Variants in GUCY1A2 observed in about 807,000 individuals in gnomAD.
GUCY1A2 encodes the protein guanylate cyclase 1 soluble subunit alpha 2, also known as guanylate cyclase soluble subunit alpha-2.
A neutral mutation model predicts 63.5 loss-of-function variants in GUCY1A2; 27 were observed. The ratio of observed to expected loss-of-function variants is 0.43; its 90% confidence interval spans 0.31 to 0.59. The LOEUF is 0.59. GUCY1A2 is among the 20% of genes least tolerant of loss of function. The pLI is 0.11. For synonymous variants in GUCY1A2, 364 were observed against 343.5 expected, an observed-to-expected ratio of 1.06 and a Z score of -0.66; for missense variants, 768 against 913.3, an observed-to-expected ratio of 0.84 and a Z score of 2.05.
chr11:106,757,168 A>C (rs1319931678), intron 6 of GUCY1A2, among the ~76,000 whole-genome samples: 3 of 151,980 alleles, frequency 2.0e-5, no homozygotes, highest in African/African-American at 7.3e-5. Flanking sequence ...ATACTTCATG[A>C]AGTTCTTGTG....
chr11:106,862,680 T>C (rs1859529916), intron 4 of GUCY1A2, among the ~76,000 whole-genome samples: 1 of 151,952 alleles, frequency 6.6e-6, no homozygotes, highest in South Asian at 2.1e-4. Flanking sequence ...AATGGGAGAC[T>C]CTATTCCAAT....
chr11:106,803,135 A>G (rs564892867), intron 5 of GUCY1A2, among the ~76,000 whole-genome samples: 1 of 152,338 alleles, frequency 6.6e-6, no homozygotes, highest in African/African-American at 2.4e-5. Context: ...TTCTCTGAAT[A>G]TAGAAGAAAA....
intron 4 of GUCY1A2, among the ~76,000 whole-genome samples, chr11:106,876,432 G>T (rs1316863391): frequency 6.6e-6 from 1 of 152,010 alleles, no homozygotes; most frequent in African/African-American, 2.4e-5. Flanking sequence ...TAATTTTTGA[G>T]TCAAACAATT....
intron 4 of GUCY1A2, chr11:106,827,468 G>A: frequency 1.4e-6 from 2 of 1,441,928 alleles, no homozygotes; most frequent in African/African-American, 1.4e-5. Flanking sequence ...TTAGTAAGCT[G>A]TTTCTGAAAT....
intron 2 of GUCY1A2, among the ~76,000 whole-genome samples, chr11:106,978,952 A>C (rs1861298538): frequency 6.6e-6 from 1 of 152,218 alleles, no homozygotes. Context: ...TGTTAACAAG[A>C]AAGCTATGTG....
At chr11:106,883,761 A>G (rs529165348) in intron 4 of GUCY1A2, among the ~76,000 whole-genome samples, 1 of 152,248 alleles carries the variant, frequency 6.6e-6, no homozygotes, top group East Asian at 1.9e-4. Context: ...AATATAAATT[A>G]TGTCCTCTTG....
chr11:106,827,557 C>T, intron 4 of GUCY1A2: 1 of 1,452,864 alleles, frequency 6.9e-7, no homozygotes, highest in Non-Finnish European at 9.7e-7. Context: ...AGCTCCAGCA[C>T]ACAGAGTTTC....
chr11:106,939,102 G>A (rs1464904012), intron 4 of GUCY1A2, among the ~76,000 whole-genome samples: 12 of 152,076 alleles, frequency 7.9e-5, no homozygotes, highest in Non-Finnish European at 8.8e-5. Context: ...TTGCAGTCAC[G>A]CCCCACAATA....
At chr11:106,999,358 C>T (rs1861583516) in intron 1 of GUCY1A2, among the ~76,000 whole-genome samples, 1 of 152,086 alleles carries the variant, frequency 6.6e-6, no homozygotes, top group South Asian at 2.1e-4. Flanking sequence ...GTATAAAATA[C>T]CAAGGCAGAA....
intron 6 of GUCY1A2, among the ~76,000 whole-genome samples, chr11:106,709,966 AATATAG>A (rs375345869): frequency 8.2e-3 from 4 of 490 alleles, no homozygotes; most frequent in Admixed American, 0.042. Context: ...AGTTATATAT[AATATAG>A]TTATATACAT....
At chr11:106,700,165 T>C (rs1307714310) in intron 7 of GUCY1A2, among the ~76,000 whole-genome samples, 2 of 152,212 alleles carry the variant, frequency 1.3e-5, no homozygotes, top group Non-Finnish European at 2.9e-5. Flanking sequence ...ATTTTAGCAA[T>C]TAGACCTTTA....
intron 6 of GUCY1A2, among the ~76,000 whole-genome samples, chr11:106,761,030 C>A (rs1299670274): frequency 6.6e-6 from 1 of 152,108 alleles, no homozygotes; most frequent in East Asian, 1.9e-4. Context: ...CATATAATAA[C>A]CTCAAAACAC....
At position 106,675,211 on chromosome 11, in the gene GUCY1A2, T is replaced by A. The variant is rs1862324754; in HGVS notation, c.*12338A>T. The stretch of plus-strand genomic sequence containing the variant: ...TGTCACTTAATTACCGAAGTTATAA[T>A]GTAGCTACAGGCAGCTGTTATAAAA... On this transcript the variant is annotated 3_prime_UTR_variant, in exon 8 of 8. Coordinates refer to ENST00000526355, the MANE Select transcript of GUCY1A2 (RefSeq NM_000855.3). 2 of 205,736 alleles carry A rather than the reference T, an allele frequency of 9.7e-6. No individual in the cohort carries two copies. The highest frequency in any genetic ancestry group is 1.9e-4 in the South Asian group (1 of 5,336). The allele number at this position is 205,736 out of a possible 1,614,324, so 12.7% of individuals were successfully genotyped here.
intron 4 of GUCY1A2, chr11:106,828,011 C>T (rs1025501279): frequency 9.4e-5 from 63 of 668,618 alleles, no homozygotes; most frequent in Non-Finnish European, 1.5e-4. Flanking sequence ...ATCCGACCTA[C>T]GGGTGCTCGG....
intron 4 of GUCY1A2, among the ~76,000 whole-genome samples, chr11:106,903,591 G>T (rs555850079): frequency 1.3e-5 from 2 of 152,096 alleles, no homozygotes; most frequent in East Asian, 1.9e-4. Flanking sequence ...AAATGATTTT[G>T]CTATCTGGTT....
At chr11:106,760,485 A>T (rs1864047412) in intron 6 of GUCY1A2, among the ~76,000 whole-genome samples, 1 of 152,182 alleles carries the variant, frequency 6.6e-6, no homozygotes, top group Non-Finnish European at 1.5e-5. Context: ...TTTTTATAAC[A>T]GTCATAGTTT....
In GUCY1A2 at chr11:106,992,422, C is replaced by T. The variant is rs574053143; in HGVS notation, c.304-6291G>A. 4.6e-5 allele frequency among the ~76,000 whole-genome samples: 7 copies of T among 151,148 alleles called. No homozygotes were observed. The South Asian group carries it at 1.5e-3, about 32-fold the overall frequency. ...TCAGCTCACTGCAACCTCCACCTCCCGGGTTCAAGCGATTCTCCTGCCTCA... is the reference window on the plus strand; with the variant it reads ...TCAGCTCACTGCAACCTCCACCTCCTGGGTTCAAGCGATTCTCCTGCCTCA... On this transcript the variant is annotated intron_variant, in intron 1 of 7. Transcript: ENST00000526355.
intron 5 of GUCY1A2, among the ~76,000 whole-genome samples, chr11:106,784,587 A>G (rs1158398298): frequency 1.3e-5 from 2 of 152,202 alleles, no homozygotes; most frequent in Non-Finnish European, 2.9e-5. Flanking sequence ...AAGCATAAGC[A>G]TTTTAATCAG....
chr11:106,674,891 A>T lies in GUCY1A2; in HGVS notation c.*12658T>A. 4.6e-6 allele frequency: 1 copy of T among 217,692 alleles called. No homozygotes were observed. Among genetic ancestry groups the T allele is most frequent in the Non-Finnish European group, 9.2e-6 (1 of 108,250 alleles). The allele number at this position is 217,692 out of a possible 1,614,324, so 13.5% of individuals were successfully genotyped here. On this transcript the variant is annotated 3_prime_UTR_variant, in exon 8 of 8. Transcript: ENST00000526355. Reference sequence around the variant, plus strand: ...GAGCACATTATAACTGTGTGTTTTTATTAAGTGATTTTGGAAACCTATTTA... The same window carrying T: ...GAGCACATTATAACTGTGTGTTTTTTTTAAGTGATTTTGGAAACCTATTTA...
Sources: gnomAD v4.1 joint callset for allele counts (sites outside exome capture counted in the v4.1 genomes callset) on GRCh38, gnomAD v4.1.1 for gene constraint, MANE v1.5 for transcripts, NCBI Gene and HGNC (gene_info 2026-07-23, HGNC 2026-07-21) for gene names.